Variants in TINAG observed in about 807,000 individuals in gnomAD.
The protein encoded by TINAG is tubulointerstitial nephritis antigen.
A neutral mutation model predicts 72.7 loss-of-function variants in TINAG; 83 were observed. The ratio of observed to expected loss-of-function variants is 1.14; its 90% CI spans 0.96 to 1.37. The LOEUF (loss-of-function observed/expected upper bound fraction) is 1.37, where lower values mean the gene tolerates loss of function less well. Ranked by LOEUF, TINAG falls within the 40% of genes most tolerant of loss-of-function variation. The probability of loss-of-function intolerance (pLI) is 0.00; values close to 1 mark genes in which losing one functional copy is unlikely to be tolerated. For synonymous variants in TINAG, 234 were observed against 189.9 expected (o/e 1.23, Z -1.91); for missense variants, 685 against 576.6 (o/e 1.19, Z -1.93).
At chr6:54,385,801 T>C (rs78895560) in intron 10 of TINAG, among the ~76,000 whole-genome samples, 297 of 150,518 alleles carry the variant, frequency 2.0e-3, no homozygotes, top group Middle Eastern at 7.0e-3. Flanking sequence ...ATGTTAGGAA[T>C]GCAAGGTTGG....
chr6:54,309,044 C>T (rs1364708959), intron 1 of TINAG, 139 bp downstream of exon 1: 9 of 902,184 alleles, frequency 1.0e-5, no homozygotes, highest in Non-Finnish European at 1.5e-5. Context: ...AAATACATTT[C>T]TTTGGATTGT....
Position 54,351,354 on chromosome 6 carries a change from A to T in TINAG, c.1083A>T (p.Glu361Asp), listed in dbSNP as rs1365182668. 1.2e-6 allele frequency: 2 copies of T among 1,609,760 alleles called. No individual in the cohort carries two copies. Among genetic ancestry groups the T allele is most frequent in the Non-Finnish European group, 1.7e-6 (2 of 1,177,458 alleles). Reference protein sequence around the residue: ...CSPPYRVSSNETEIMKEIMQN... With the variant: ...CSPPYRVSSNDTEIMKEIMQN... ...CTTATTCATATTTTTCCATCCAGGA[A>T]ACTGAGATAATGAAAGAAATCATGC... The change falls in exon 8 of 11, where the codon GAA becomes GAT. Residue 361 changes from glutamate to aspartate, a missense_variant and splice_region_variant. Glu to Asp is a conservative substitution (Grantham distance 45). Transcript: ENST00000259782.
chr6:54,315,612 G>A (rs1784354238), intron 1 of TINAG, among the ~76,000 whole-genome samples: 1 of 151,930 alleles, frequency 6.6e-6, no homozygotes, highest in South Asian at 2.1e-4. Flanking sequence ...AGGAGTTTGA[G>A]GCTTCTGTGA....
intron 4 of TINAG, among the ~76,000 whole-genome samples, chr6:54,340,957 A>G (rs557903072): frequency 6.6e-6 from 1 of 152,252 alleles, no homozygotes; most frequent in African/African-American, 2.4e-5. Context: ...TATTTATTGC[A>G]TATCTCCCAT....
At chr6:54,379,394 A>G (rs9395950) in intron 9 of TINAG, among the ~76,000 whole-genome samples, 14,483 of 152,200 alleles carry the variant, frequency 0.095, 1,159 homozygotes, top group East Asian at 0.34. Flanking sequence ...TTAATCATGA[A>G]GAAAAATGAA....
At position 54,327,169 on chromosome 6, in the gene TINAG, C is replaced by T. The variant is rs186741572; in HGVS notation, c.624+253C>T. On this transcript the variant is annotated intron_variant, in intron 4 of 10. Coordinates refer to ENST00000259782, the MANE Select transcript of TINAG (RefSeq NM_014464.4). Reference sequence around the variant, plus strand: ...TGATTGAATGGGCTGGCAAGATGGCCGATCAAGAACAGCTCTGGTTGGCAG... The same window carrying T: ...TGATTGAATGGGCTGGCAAGATGGCTGATCAAGAACAGCTCTGGTTGGCAG... The T allele has an allele frequency of 9.7e-5, 150 of 1,546,864 alleles. No individual in the cohort carries two copies. The African/African-American group carries it at 1.3e-3, about 13-fold the overall frequency.
chr6:54,362,465 C>A (rs1168743181), intron 9 of TINAG, among the ~76,000 whole-genome samples: 2 of 151,500 alleles, frequency 1.3e-5, no homozygotes, highest in Non-Finnish European at 3.0e-5. Context: ...CTGTTGAGAT[C>A]TGCTACTCAA....
intron 8 of TINAG, among the ~76,000 whole-genome samples, chr6:54,352,567 A>G (rs1423432169): frequency 6.6e-6 from 1 of 151,784 alleles, no homozygotes. Context: ...TGCTCCATTA[A>G]GTGGTGCTTG....
intron 4 of TINAG, among the ~76,000 whole-genome samples, chr6:54,331,905 A>T (rs1784751141): frequency 6.6e-6 from 1 of 152,204 alleles, no homozygotes; most frequent in Non-Finnish European, 1.5e-5. Flanking sequence ...CCTACAAGGG[A>T]TGTGAAGGAT....
At chr6:54,380,005 C>A (rs561831109) in intron 9 of TINAG, among the ~76,000 whole-genome samples, 3 of 152,176 alleles carry the variant, frequency 2.0e-5, no homozygotes, top group South Asian at 4.1e-4. Context: ...GTTCAACTCT[C>A]ACTTGTGAGT....
At chr6:54,326,963 G>A (rs1157904242) in intron 4 of TINAG, 47 bp downstream of exon 4, 3 of 1,609,464 alleles carry the variant, frequency 1.9e-6, no homozygotes, top group Non-Finnish European at 2.5e-6. Flanking sequence ...TTGTAAAAGT[G>A]TGTTTGTGTG....
intron 1 of TINAG, among the ~76,000 whole-genome samples, chr6:54,317,684 T>C (rs1784404170): frequency 2.0e-5 from 3 of 152,166 alleles, no homozygotes; most frequent in Admixed American, 6.6e-5. Flanking sequence ...TTCCAAAATG[T>C]GTTTTTGCCT....
rs1764207639 is a variant in TINAG, at chr6:54,390,120, G to C, written c.*195G>C. On this transcript the variant is annotated 3_prime_UTR_variant, in exon 11 of 11. Transcript: ENST00000259782. ...ACTGAGCATTAACAACACCAATAAA[G>C]GACAGCAGAGTCCCTAAATGTCTTT... is the stretch of plus-strand genomic sequence containing the variant. The C allele has an allele frequency of 1.5e-6, 1 of 664,222 alleles. No homozygotes were observed. Among genetic ancestry groups the C allele is most frequent in the African/African-American group, 1.9e-5 (1 of 52,052 alleles). The allele number at this position is 664,222 out of a possible 1,614,324, so 41.1% of individuals were successfully genotyped here. A position where few individuals can be genotyped will look rare whatever the true frequency, so the allele number is the denominator to read the frequency against.
chr6:54,308,805 A>G lies in TINAG; in HGVS notation c.255A>G (p.Lys85=). The G allele has an allele frequency of 6.2e-7, 1 of 1,613,842 alleles. No individual in the cohort carries two copies. Among genetic ancestry groups the G allele is most frequent in the Non-Finnish European group, 8.5e-7 (1 of 1,179,882 alleles). The change falls in exon 1 of 11, where the codon AAA becomes AAG. Residue 85 remains lysine, a synonymous_variant. Coordinates refer to ENST00000259782, the MANE Select transcript of TINAG (RefSeq NM_014464.4). ...CGAATGCGTTGTGCTACTGTGATAA[A>G]TTCTGTGACAGAGAAAATTCTGATT... ...YAANALCYCD[K]FCDRENSDCC...
chr6:54,347,331 T>C, intron 5 of TINAG, 36 bp from the exon 6 acceptor site: 1 of 1,606,608 alleles, frequency 6.2e-7, no homozygotes, highest in Non-Finnish European at 8.5e-7. Context: ...ATACCGTGTA[T>C]CATTTCAATA....
chr6:54,384,329 G>T (rs1764034598), intron 10 of TINAG, among the ~76,000 whole-genome samples: 1 of 152,102 alleles, frequency 6.6e-6, no homozygotes, highest in South Asian at 2.1e-4. Context: ...TTCTGCACAT[G>T]TACCCCAGAA....
At chr6:54,339,619 A>G (rs1784950387) in intron 4 of TINAG, among the ~76,000 whole-genome samples, 1 of 152,180 alleles carries the variant, frequency 6.6e-6, no homozygotes, top group South Asian at 2.1e-4. Context: ...AGTCATTAAA[A>G]GATTACTCTA....
At chr6:54,383,311 G>T (rs1562187646) in intron 10 of TINAG, among the ~76,000 whole-genome samples, 1 of 152,054 alleles carries the variant, frequency 6.6e-6, no homozygotes, top group Non-Finnish European at 1.5e-5. Context: ...TTTTATTTCT[G>T]CACAATTATA....
chr6:54,342,754 T>C (rs1785029002), intron 4 of TINAG, among the ~76,000 whole-genome samples: 1 of 152,202 alleles, frequency 6.6e-6, no homozygotes, highest in South Asian at 2.1e-4. Flanking sequence ...GTAAAATTGA[T>C]GTGTTCCTTG....
Sources: allele counts gnomAD v4.1 joint callset (sites outside exome capture counted in the v4.1 genomes callset), GRCh38; gene constraint gnomAD v4.1.1; transcripts MANE v1.5; gene names NCBI Gene and HGNC (gene_info 2026-07-23, HGNC 2026-07-21).